Variants in MAP3K2 observed in about 807,000 individuals in gnomAD.
MAP3K2 encodes MAP/ERK kinase kinase 2.
In MAP3K2, 24 loss-of-function variants were observed where a neutral mutation model predicts 80.3. The ratio of observed to expected loss-of-function variants is 0.30; its 90% confidence interval spans 0.22 to 0.42. The LOEUF (loss-of-function observed/expected upper bound fraction) is 0.42, where lower values mean the gene tolerates loss of function less well. Ranked by LOEUF, MAP3K2 falls within the 10% of genes least tolerant of loss-of-function variation. The pLI is 1.00. For missense variants in MAP3K2, 608 were observed against 750.1 expected (o/e 0.81, Z 2.21); for synonymous variants, 244 against 253.7 (o/e 0.96, Z 0.36).
chr2:127,304,315 T>C lies in MAP3K2; in HGVS notation c.*3264A>G, dbSNP rs1241184039. On this transcript the variant is annotated 3_prime_UTR_variant, in exon 17 of 17. Coordinates refer to ENST00000682094, the MANE Select transcript of MAP3K2 (RefSeq NM_001371910.2). Reference sequence around the variant, plus strand: ...TACATTTTAAATAATTAACAACCCATCAAAATTTCCACTAGTCATTATGAT... The same window carrying C: ...TACATTTTAAATAATTAACAACCCACCAAAATTTCCACTAGTCATTATGAT... 6.6e-6 allele frequency: 1 copy of C among 152,170 alleles called. No homozygotes were observed. Among genetic ancestry groups the C allele is most frequent in the African/African-American group, 2.4e-5 (1 of 41,456 alleles). 9.4% of individuals were successfully genotyped at this position (152,170 alleles called of 1,614,324 possible).
rs1306721621 is a variant in MAP3K2 at position 127,304,037 on chromosome 2, A to G, written c.*3542T>C. The G allele has an allele frequency of 6.6e-6, 1 of 152,184 alleles. No homozygotes were observed. Among genetic ancestry groups the G allele is most frequent in the Non-Finnish European group, 1.5e-5 (1 of 68,020 alleles). The allele number at this position is 152,184 out of a possible 1,614,324, so 9.4% of individuals were successfully genotyped here. Reference sequence around the variant, plus strand: ...TTTTAATGCAGTTTCTTTGGGAATAAGGTAAAGACTCTCTCAAGTGAAAGC... The same window carrying G: ...TTTTAATGCAGTTTCTTTGGGAATAGGGTAAAGACTCTCTCAAGTGAAAGC... On this transcript the variant is annotated 3_prime_UTR_variant, in exon 17 of 17. Transcript: ENST00000682094.
At chr2:127,358,696 G>A (rs1415722414) in intron 1 of MAP3K2, among the ~76,000 whole-genome samples, 3 of 152,126 alleles carry the variant, frequency 2.0e-5, no homozygotes, top group Non-Finnish European at 4.4e-5. Context: ...ATTTTGGGAG[G>A]CCGAGGCAGG....
Position 127,385,307 on chromosome 2 carries a change from T to C in MAP3K2, c.-66+2145A>G, listed in dbSNP as rs145638735. On this transcript the variant is annotated intron_variant, in intron 1 of 16. Coordinates refer to ENST00000682094, the MANE Select transcript of MAP3K2 (RefSeq NM_001371910.2). ...CCTTACTAGTCAGCAGCCATCAACA[T>C]GGAGGCAAGACCCTCCACCAGCAAA... 1.8e-3 allele frequency among the ~76,000 whole-genome samples: 270 copies of C among 152,332 alleles called. 1 individual carries two copies. Among genetic ancestry groups the C allele is most frequent in the Middle Eastern group, 0.01 (3 of 294 alleles).
Position 127,300,999 on chromosome 2 carries a change from A to G in MAP3K2, c.*6580T>C, listed in dbSNP as rs1685580635. The G allele has an allele frequency of 6.6e-6, 1 of 152,248 alleles. No homozygotes were observed. The highest frequency in any genetic ancestry group is 1.5e-5 in the Non-Finnish European group (1 of 68,044). The allele number at this position is 152,248 out of a possible 1,614,324, so 9.4% of individuals were successfully genotyped here. On this transcript the variant is annotated 3_prime_UTR_variant, in exon 17 of 17. Coordinates refer to ENST00000682094, the MANE Select transcript of MAP3K2 (RefSeq NM_001371910.2). ...TTTAAAAAATAAATTCTAAAAAAAT[A>G]TTTAAAAAGAAGTGAACTTAAAAGT...
At chr2:127,375,963 A>G (rs113504575) in intron 1 of MAP3K2, among the ~76,000 whole-genome samples, 20 of 152,300 alleles carry the variant, frequency 1.3e-4, no homozygotes, top group African/African-American at 3.8e-4. Context: ...TACTAATGCT[A>G]GGATGCAAAG....
chr2:127,352,062 A>T (rs1336259718), intron 1 of MAP3K2, among the ~76,000 whole-genome samples: 1 of 151,940 alleles, frequency 6.6e-6, no homozygotes, highest in Non-Finnish European at 1.5e-5. Flanking sequence ...TTTTCGGTAG[A>T]GACACGGTTT....
In MAP3K2 at chr2:127,339,142, A is replaced by T; in HGVS notation, c.5-92T>A. On this transcript the variant is annotated intron_variant, in intron 2 of 16. Transcript: ENST00000682094. The surrounding 1 kb of genome is among the most constrained non-coding windows in gnomAD (Gnocchi z 4.2). ...CATCAAACACAAAATTTAAAATAAA[A>T]TTTGATGTAGAGAATGTATTAATGC... 1.3e-6 allele frequency: 1 copy of T among 751,660 alleles called. No individual in the cohort carries two copies. The highest frequency in any genetic ancestry group is 2.2e-6 in the Non-Finnish European group (1 of 458,986). 46.6% of individuals were successfully genotyped at this position (751,660 alleles called of 1,614,324 possible).
At chr2:127,346,977 C>A (rs535752577) in intron 1 of MAP3K2, among the ~76,000 whole-genome samples, 1 of 151,632 alleles carries the variant, frequency 6.6e-6, no homozygotes, top group South Asian at 2.1e-4. Context: ...CGCGACAGAG[C>A]GAGACTCTGT....
chr2:127,307,829 A>G lies in MAP3K2; in HGVS notation c.1635-25T>C, dbSNP rs746125423. 2.7e-6 allele frequency: 4 copies of G among 1,481,540 alleles called. No individual in the cohort carries two copies. In the African/African-American group the frequency reaches 4.2e-5, roughly 15 times the overall value. 91.8% of individuals were successfully genotyped at this position (1,481,540 alleles called of 1,614,324 possible). On this transcript the variant is annotated intron_variant, in intron 16 of 16. Transcript: ENST00000682094. The surrounding 1 kb of genome is among the most constrained non-coding windows in gnomAD (Gnocchi z 5.4). ...CCTGAAAAGAAACAAAAAGAAATAC[A>G]TTACACAAACAACAACATGAAAGAA...
intron 2 of MAP3K2, 123 bp downstream of exon 2, chr2:127,343,002 TA>T (rs1686527346): frequency 1.5e-6 from 1 of 675,894 alleles, no homozygotes; most frequent in Non-Finnish European, 2.5e-6. Context: ...AAACATTTCA[TA>T]AATCTGCTAT....
rs552643283 is a variant in MAP3K2 at position 127,301,238 on chromosome 2, C to T, written c.*6341G>A. 6.6e-6 allele frequency: 1 copy of T among 152,314 alleles called. No individual in the cohort carries two copies. Among genetic ancestry groups the T allele is most frequent in the East Asian group, 1.9e-4 (1 of 5,184 alleles). 9.4% of individuals were successfully genotyped at this position (152,314 alleles called of 1,614,324 possible). On this transcript the variant is annotated 3_prime_UTR_variant, in exon 17 of 17. Transcript: ENST00000682094. Reference sequence around the variant, plus strand: ...TTGCTGAAATGCCCCTCAAGTCAAACATAAGTTCATAAATGTTAAGACACT... The same window carrying T: ...TTGCTGAAATGCCCCTCAAGTCAAATATAAGTTCATAAATGTTAAGACACT...
chr2:127,327,223 T>C (rs889340517), intron 7 of MAP3K2, among the ~76,000 whole-genome samples: 3 of 152,234 alleles, frequency 2.0e-5, no homozygotes, highest in African/African-American at 4.8e-5. Context: ...CCTTTCCTCA[T>C]AGTTTTTTGA....
At chr2:127,320,799 C>T (rs1686004605) in intron 12 of MAP3K2, among the ~76,000 whole-genome samples, 1 of 152,004 alleles carries the variant, frequency 6.6e-6, no homozygotes, top group Non-Finnish European at 1.5e-5. Flanking sequence ...GTATATAAGC[C>T]AGAAGACAAT....
chr2:127,367,686 G>A (rs527415442), intron 1 of MAP3K2, among the ~76,000 whole-genome samples: 13 of 152,236 alleles, frequency 8.5e-5, no homozygotes, highest in Admixed American at 5.9e-4. Context: ...CCAGCTACTC[G>A]GGAGGCTGAG....
chr2:127,329,971 A>C lies in MAP3K2; in HGVS notation c.416T>G (p.Leu139Trp). Reference protein sequence around the residue: ...NLEPLPSLEDLDNTVFGAERK... With the variant: ...NLEPLPSLEDWDNTVFGAERK... ...CTCTGCTCCAAATACTGTATTATCC[A>C]AATCTTCTAGTGATGGCAATGGTTC... Residue 139 changes from leucine to tryptophan, a missense_variant, in exon 7 of 17, where the codon TTG becomes TGG. Coordinates refer to ENST00000682094, the MANE Select transcript of MAP3K2 (RefSeq NM_001371910.2). 1 of 1,610,146 alleles carries C rather than the reference A, an allele frequency of 6.2e-7. No homozygotes were observed. The highest frequency in any genetic ancestry group is 8.5e-7 in the Non-Finnish European group (1 of 1,176,980).
At chr2:127,343,978 C>A (rs573377539) in intron 1 of MAP3K2, among the ~76,000 whole-genome samples, 1 of 151,544 alleles carries the variant, frequency 6.6e-6, no homozygotes, top group Non-Finnish European at 1.5e-5. Context: ...CTGTGGCACT[C>A]CAGTCTGGGC....
chr2:127,361,811 C>G (rs1686898719), intron 1 of MAP3K2, among the ~76,000 whole-genome samples: 1 of 152,162 alleles, frequency 6.6e-6, no homozygotes, highest in African/African-American at 2.4e-5. Context: ...ACATAGGGAC[C>G]TGGGTTCAAA....
chr2:127,330,702 T>C (rs1051043610), intron 5 of MAP3K2, among the ~76,000 whole-genome samples, 197 bp from the exon 6 acceptor site: 1 of 152,248 alleles, frequency 6.6e-6, no homozygotes, highest in Non-Finnish European at 1.5e-5. Flanking sequence ...AATGAACATG[T>C]ATGTTTTTAA....
chr2:127,354,145 C>A (rs1195659557), intron 1 of MAP3K2, among the ~76,000 whole-genome samples: 1 of 149,972 alleles, frequency 6.7e-6, no homozygotes, highest in Admixed American at 6.7e-5. Flanking sequence ...AACCAGAGAC[C>A]TTTGTTCACT....
Sources: gnomAD v4.1 joint callset for allele counts (sites outside exome capture counted in the v4.1 genomes callset) on GRCh38, gnomAD v4.1.1 for gene constraint, Gnocchi (gnomAD v3.1) non-coding constraint, MANE v1.5 for transcripts, NCBI Gene and HGNC (gene_info 2026-07-23, HGNC 2026-07-21) for gene names.